COMMD7: variants seen among roughly 807,000 people sequenced by gnomAD.
COMMD7 encodes the protein COMM domain containing 7, also known as COMM domain-containing protein 7.
In COMMD7, 28 loss-of-function variants were observed where a neutral mutation model predicts 34.8. The observed-to-expected ratio is 0.80, with a 90% CI of 0.60 to 1.10. COMMD7 has a LOEUF of 1.10. Among genes scored for constraint, COMMD7 ranks in the 50% least tolerant of loss-of-function variants. COMMD7 has a pLI of 0.00. For synonymous variants in COMMD7, 80 were observed against 86.4 expected (o/e 0.93, Z 0.41); for missense variants, 211 against 241.6 (o/e 0.87, Z 0.84).
intron 1 of COMMD7, among the ~76,000 whole-genome samples, chr20:32,728,447 T>C (rs2377666): frequency 6.6e-6 from 1 of 150,748 alleles, no homozygotes; most frequent in African/African-American, 2.4e-5. Context: ...CAGACAGACA[T>C]ACACACACAC....
At chr20:32,717,257 G>A (rs1190303643) in intron 3 of COMMD7, among the ~76,000 whole-genome samples, 3 of 151,796 alleles carry the variant, frequency 2.0e-5, no homozygotes, top group African/African-American at 7.3e-5. Flanking sequence ...TGGGCTCAAG[G>A]TATCTTCCTG....
chr20:32,712,945 G>C (rs942572918), intron 3 of COMMD7, among the ~76,000 whole-genome samples: 1 of 151,570 alleles, frequency 6.6e-6, no homozygotes, highest in African/African-American at 2.4e-5. Flanking sequence ...TAGAGACCAG[G>C]ATGGTCTCGA....
rs1426267535 is a variant in COMMD7, at chr20:32,724,972, AAAG to A, written c.241+2918_241+2920del. On this transcript the variant is annotated intron_variant, in intron 3 of 8. Coordinates refer to ENST00000278980, the MANE Select transcript of COMMD7 (RefSeq NM_053041.3). ...AATTTAAAAAAAAAAAAAAAAAAAA[AAAG>A]ACTTGTGGTTCTGCACTTTAGGCAC... Among the ~76,000 whole-genome samples, 84 of 148,962 alleles carry A rather than the reference AAAG, an allele frequency of 5.6e-4. 20 individuals are homozygous for A. The highest frequency in any genetic ancestry group is 1.1e-3 in the Non-Finnish European group (73 of 67,250).
Position 32,706,018 on chromosome 20 carries a change from G to A in COMMD7, c.336+565C>T, listed in dbSNP as rs1984054839. On this transcript the variant is annotated intron_variant, in intron 5 of 8. Coordinates refer to ENST00000278980, the MANE Select transcript of COMMD7 (RefSeq NM_053041.3). ...GTTCAAGACCAGCCTGACCAACATG[G>A]TGAAACCCCGTCTCTACTAAAAATG... Among the ~76,000 whole-genome samples, 4 of 151,944 alleles carry A rather than the reference G, an allele frequency of 2.6e-5. No individual in the cohort carries two copies. In the South Asian group the frequency reaches 8.3e-4, roughly 32 times the overall value.
At position 32,727,684 on chromosome 20, in the gene COMMD7, C is replaced by T. The variant is rs369403901; in HGVS notation, c.241+209G>A. On this transcript the variant is annotated intron_variant, in intron 3 of 8. Coordinates refer to ENST00000278980, the MANE Select transcript of COMMD7 (RefSeq NM_053041.3). ...TAACCCAAGATGCACACTGAACTTT[C>T]CAGCTGTGCTGCACCACAGCACACT... 3.6e-3 allele frequency among the ~76,000 whole-genome samples: 279 copies of T among 77,302 alleles called. 2 individuals carry two copies. Among genetic ancestry groups the T allele is most frequent in the African/African-American group, 0.011 (273 of 24,636 alleles). 50.7% of individuals were successfully genotyped at this position (77,302 alleles called of 152,430 possible). A position where few individuals can be genotyped will look rare whatever the true frequency, so the allele number is the denominator to read the frequency against.
chr20:32,732,731 C>G (rs2145775507), intron 1 of COMMD7, among the ~76,000 whole-genome samples: 1 of 151,228 alleles, frequency 6.6e-6, no homozygotes, highest in South Asian at 2.1e-4. Flanking sequence ...TCTAGACCAT[C>G]CTGGCTAACA....
At chr20:32,718,436 C>T (rs1195592919) in intron 3 of COMMD7, among the ~76,000 whole-genome samples, 3 of 151,768 alleles carry the variant, frequency 2.0e-5, no homozygotes, top group African/African-American at 7.2e-5. Flanking sequence ...CAGTGGCTCA[C>T]GCCTGTAATC....
At chr20:32,705,295 A>T (rs1983996393) in intron 5 of COMMD7, among the ~76,000 whole-genome samples, 1 of 148,170 alleles carries the variant, frequency 6.7e-6, no homozygotes, top group South Asian at 2.1e-4. Context: ...TGAATTGGAG[A>T]AAGGAGGCAT....
chr20:32,705,376 A>ATATATATATATATTT (rs1335467096), intron 5 of COMMD7, among the ~76,000 whole-genome samples: 2 of 125,454 alleles, frequency 1.6e-5, no homozygotes, highest in African/African-American at 6.9e-5. Context: ...ATATATATAT[A>ATATATATATATATTT]TTTTTTTTTT....
At chr20:32,727,767 C>T in intron 3 of COMMD7, 126 bp downstream of exon 3, 2 of 737,154 alleles carry the variant, frequency 2.7e-6, no homozygotes, top group South Asian at 1.6e-5. Flanking sequence ...GACAGAGTCC[C>T]ACCCACGTCT....
chr20:32,728,045 C>G (rs1303084378), intron 2 of COMMD7, 44 bp downstream of exon 2: 3 of 1,610,100 alleles, frequency 1.9e-6, no homozygotes, highest in Non-Finnish European at 2.5e-6. Flanking sequence ...CTAAGCATCT[C>G]AGGGAGCACG....
At chr20:32,703,714 C>T (rs1983883051) in intron 8 of COMMD7, 18 of 1,445,464 alleles carry the variant, frequency 1.2e-5, no homozygotes, top group South Asian at 1.5e-5. Context: ...GGGTATCATT[C>T]GGGATGTTCA....
chr20:32,711,463 T>C (rs904435137), intron 3 of COMMD7, among the ~76,000 whole-genome samples: 2 of 147,878 alleles, frequency 1.4e-5, no homozygotes, highest in African/African-American at 5.0e-5. Context: ...GCCACAACAG[T>C]CAGCAACTGA....
chr20:32,740,352 T>C (rs2145793007), intron 1 of COMMD7, among the ~76,000 whole-genome samples: 1 of 151,558 alleles, frequency 6.6e-6, no homozygotes, highest in Non-Finnish European at 1.5e-5. Context: ...TACTTTAAGA[T>C]GTGCCGTAAG....
chr20:32,728,355 G>C (rs1985640001), intron 1 of COMMD7, among the ~76,000 whole-genome samples: 1 of 151,786 alleles, frequency 6.6e-6, no homozygotes, highest in African/African-American at 2.4e-5. Context: ...ACGTTTATTG[G>C]GATACTTAGC....
Position 32,704,912 on chromosome 20 carries a change from A to G in COMMD7, c.337-8T>C. 1 of 1,604,394 alleles carries G rather than the reference A, an allele frequency of 6.2e-7. No individual in the cohort carries two copies. The highest frequency in any genetic ancestry group is 1.1e-5 in the South Asian group (1 of 90,888). ...GGGAGCATTCTGCTTCCACTGGAACAAAAGCAAAAGACAAAGTCAATTACA... is the reference window on the plus strand; with the variant it reads ...GGGAGCATTCTGCTTCCACTGGAACGAAAGCAAAAGACAAAGTCAATTACA... On this transcript the variant is annotated splice_polypyrimidine_tract_variant and splice_region_variant and intron_variant, in intron 5 of 8. Coordinates refer to ENST00000278980, the MANE Select transcript of COMMD7 (RefSeq NM_053041.3).
chr20:32,736,721 G>C (rs577239136), intron 1 of COMMD7, among the ~76,000 whole-genome samples: 2 of 151,916 alleles, frequency 1.3e-5, no homozygotes, highest in Non-Finnish European at 1.5e-5. Context: ...TAAAGGTAAA[G>C]GTTTACAGTA....
intron 3 of COMMD7, among the ~76,000 whole-genome samples, chr20:32,727,107 G>C (rs1309658040): frequency 2.1e-5 from 2 of 96,356 alleles, no homozygotes; most frequent in Non-Finnish European, 5.0e-5. Flanking sequence ...GCACACCTGT[G>C]GTCCCAGCTA....
At chr20:32,715,033 T>A (rs1210452263) in intron 3 of COMMD7, among the ~76,000 whole-genome samples, 2 of 143,844 alleles carry the variant, frequency 1.4e-5, no homozygotes, top group African/African-American at 2.7e-5. Flanking sequence ...TAAAAATAAA[T>A]AAATAAATAA....
Sources: gnomAD v4.1 joint callset for allele counts (sites outside exome capture counted in the v4.1 genomes callset) on GRCh38, gnomAD v4.1.1 for gene constraint, MANE v1.5 for transcripts, NCBI Gene and HGNC (gene_info 2026-07-23, HGNC 2026-07-21) for gene names.